NEBL: variants seen among roughly 807,000 people sequenced by gnomAD.
NEBL encodes the protein nebulette, also known as LIM and SH3 protein 2.
NEBL carries 122 observed loss-of-function variants against 140.2 expected under a neutral mutation model. That is an observed-to-expected ratio of 0.87 (90% confidence interval 0.75 to 1.01). NEBL has a LOEUF of 1.01. Among genes scored for constraint, NEBL ranks in the 50% least tolerant of loss-of-function variants. The pLI, the probability that NEBL is intolerant of heterozygous loss-of-function variation, is 0.00. For missense variants in NEBL, 1,365 were observed against 1,231.3 expected (o/e 1.11, Z -1.62); for synonymous variants, 436 against 398.9 (o/e 1.09, Z -1.11).
chr10:20,916,046 G>A (rs985814663), intron 4 of NEBL, among the ~76,000 whole-genome samples: 4 of 152,204 alleles, frequency 2.6e-5, no homozygotes, highest in Non-Finnish European at 4.4e-5. Flanking sequence ...TATTAACTAA[G>A]TCAGCCCTAA....
intron 27 of NEBL, 25 bp downstream of exon 27, chr10:20,787,177 A>G (rs1318533312): frequency 1.3e-6 from 2 of 1,533,536 alleles, no homozygotes; most frequent in African/African-American, 2.7e-5. Context: ...CCAGCTAAGG[A>G]GGAACGTATC....
chr10:21,178,488 A>G (rs1386469134), upstream of NEBL, among the ~76,000 whole-genome samples: 1 of 152,264 alleles, frequency 6.6e-6, no homozygotes, highest in Non-Finnish European at 1.5e-5. Flanking sequence ...AAAGACAGCT[A>G]GAAGAAGTCG....
intron 3 of NEBL, among the ~76,000 whole-genome samples, chr10:20,995,051 C>T (rs1006359468): frequency 2.6e-5 from 4 of 152,184 alleles, no homozygotes; most frequent in Non-Finnish European, 5.9e-5. Context: ...TCCCAAAAGC[C>T]AACCACAGAC....
intron 9 of NEBL, 105 bp from the exon 10 acceptor site, chr10:20,852,754 A>G: frequency 9.7e-7 from 1 of 1,027,762 alleles, no homozygotes; most frequent in Non-Finnish European, 1.5e-6. Context: ...AGAGCTGCAA[A>G]GCTGTTGCCA....
At chr10:21,097,516 A>G (rs976511965) in intron 2 of NEBL, among the ~76,000 whole-genome samples, 4 of 152,154 alleles carry the variant, frequency 2.6e-5, no homozygotes, top group Non-Finnish European at 5.9e-5. Flanking sequence ...TCTGTTTTCT[A>G]TAGCAATAGG....
rs776914197 is a variant in NEBL at position 20,809,884 on chromosome 10, G to A, written c.2533C>T (p.Arg845Cys). 35 of 1,602,306 alleles carry A rather than the reference G, an allele frequency of 2.2e-5. No homozygotes were observed. Among genetic ancestry groups the A allele is most frequent in the Middle Eastern group, 1.7e-4 (1 of 6,032 alleles). The change falls in exon 25 of 28, where the codon CGC becomes TGC. Residue 845 changes from arginine to cysteine, a missense_variant. Transcript: ENST00000377122. ...TCGAAGATGGAGCCAGGATCTGTGC[G>A]CCAAACTTTGAGGTCTTTTGCCAAA... ...PGIIVDLKVW[R>C]TDPGSIFDLD...
At chr10:20,879,383 AG>A (rs1267986877) in intron 5 of NEBL, among the ~76,000 whole-genome samples, 7 of 152,208 alleles carry the variant, frequency 4.6e-5, no homozygotes, top group Non-Finnish European at 1.0e-4. Flanking sequence ...TTAAGCAAAC[AG>A]TTCTTATAAA....
At chr10:21,089,515 G>A (rs558993471) in intron 2 of NEBL, among the ~76,000 whole-genome samples, 1 of 152,228 alleles carries the variant, frequency 6.6e-6, no homozygotes, top group East Asian at 1.9e-4. Flanking sequence ...ACACGGGTGA[G>A]TGTGGCAAGA....
In NEBL at chr10:20,859,651, G is replaced by A. The variant is rs547550245; in HGVS notation, c.798+62C>T. ...AAGTATCAGTAATTACAACACAGTC[G>A]ATTCTAAAAAAAACAAGAATCAAAA... is the stretch of plus-strand genomic sequence containing the variant. On this transcript the variant is annotated intron_variant, in intron 8 of 27. Transcript: ENST00000377122. 22 of 1,117,334 alleles carry A rather than the reference G, an allele frequency of 2.0e-5. 1 individual carries two copies. The highest frequency in any genetic ancestry group is 5.4e-5 in the Admixed American group (3 of 55,360). The allele number at this position is 1,117,334 out of a possible 1,614,324, so 69.2% of individuals were successfully genotyped here. A position where few individuals can be genotyped will look rare whatever the true frequency, so the allele number is the denominator to read the frequency against.
chr10:20,970,563 T>C (rs1342351773), intron 3 of NEBL, among the ~76,000 whole-genome samples: 2 of 152,018 alleles, frequency 1.3e-5, no homozygotes, highest in Non-Finnish European at 2.9e-5. Flanking sequence ...GTGTGAGGAT[T>C]GCTTGAGCCT....
chr10:21,171,081 A>G (rs1038272907), intron 2 of NEBL, among the ~76,000 whole-genome samples: 10 of 152,174 alleles, frequency 6.6e-5, no homozygotes, highest in Non-Finnish European at 1.0e-4. Context: ...CACGCCGGTA[A>G]TTCCAGCACC....
chr10:20,898,451 A>AC (rs912303302), upstream of NEBL, among the ~76,000 whole-genome samples: 41 of 152,096 alleles, frequency 2.7e-4, no homozygotes, highest in African/African-American at 9.6e-4. Context: ...TGTAAAAAAA[A>AC]AATGCCTTGG....
chr10:20,921,282 T>C (rs1473826775), intron 4 of NEBL, among the ~76,000 whole-genome samples: 1 of 152,100 alleles, frequency 6.6e-6, no homozygotes, highest in Non-Finnish European at 1.5e-5. Context: ...GTATTCTCCA[T>C]TTGCCTCCGG....
intron 1 of NEBL, among the ~76,000 whole-genome samples, chr10:21,269,817 G>A (rs370263024): frequency 3.3e-5 from 5 of 152,282 alleles, no homozygotes; most frequent in African/African-American, 9.6e-5. Flanking sequence ...TTCCCTACCA[G>A]ACTGGGTCTC....
intron 2 of NEBL, among the ~76,000 whole-genome samples, chr10:21,145,706 A>G (rs1839858970): frequency 6.6e-6 from 1 of 152,230 alleles, no homozygotes; most frequent in Admixed American, 6.5e-5. Flanking sequence ...GTATGGAACC[A>G]AAACAGAATC....
chr10:21,283,882 G>A (rs1466622540), intron 1 of NEBL, among the ~76,000 whole-genome samples: 19 of 151,866 alleles, frequency 1.3e-4, no homozygotes, highest in Admixed American at 1.2e-3. Context: ...AACAAATAGT[G>A]AAGGTCCTCC....
At chr10:21,189,656 C>T (rs111820104) in intron 3 of NEBL, among the ~76,000 whole-genome samples, 3,671 of 151,858 alleles carry the variant, frequency 0.024, 62 homozygotes, top group Non-Finnish European at 0.037. Flanking sequence ...TCAGTAGAGA[C>T]GGGGGTCTCA....
chr10:20,832,944 T>C (rs1356165557), intron 14 of NEBL, among the ~76,000 whole-genome samples: 1 of 152,240 alleles, frequency 6.6e-6, no homozygotes, highest in Non-Finnish European at 1.5e-5. Context: ...TTAGTCAGCC[T>C]GTTCAAAGCC....
intron 6 of NEBL, 133 bp downstream of exon 6, chr10:20,869,607 G>T: frequency 7.1e-6 from 5 of 703,672 alleles, no homozygotes; most frequent in Non-Finnish European, 5.2e-6. Context: ...AATTTAGGGG[G>T]GGAAATTGAG....
Sources: allele counts gnomAD v4.1 joint callset (sites outside exome capture counted in the v4.1 genomes callset), GRCh38; gene constraint gnomAD v4.1.1; transcripts MANE v1.5; gene names NCBI Gene and HGNC (gene_info 2026-07-23, HGNC 2026-07-21).